Variants in HMCN1 observed in about 807,000 individuals in gnomAD.
HMCN1 encodes hemicentin 1.
Under a neutral mutation model 625.9 loss-of-function variants are expected in HMCN1, and 321 were observed. That is an observed-to-expected ratio of 0.51 (90% CI 0.47 to 0.56). The LOEUF is 0.56. Ranked by LOEUF, HMCN1 falls within the 20% of genes least tolerant of loss-of-function variation. The probability of loss-of-function intolerance (pLI) is 0.00; values close to 1 mark genes in which losing one functional copy is unlikely to be tolerated. For synonymous variants in HMCN1, 2,425 were observed against 2,417.6 expected (o/e 1.00, Z -0.09); for missense variants, 6,588 against 6,887.3 (o/e 0.96, Z 1.54).
chr1:186,137,699 T>G lies in HMCN1; in HGVS notation c.13753+31T>G, dbSNP rs745634913. 3 of 1,613,900 alleles carry G rather than the reference T, an allele frequency of 1.9e-6. No individual in the cohort carries two copies. In the East Asian group the frequency reaches 6.7e-5, roughly 36 times the overall value. On this transcript the variant is annotated intron_variant, in intron 88 of 106. Transcript: ENST00000271588. ...CCTCCTTATTTAACTGATAGGCATGTGTTTAATAGACCTTCATTTCTGTCT... is the reference window on the plus strand; with the variant it reads ...CCTCCTTATTTAACTGATAGGCATGGGTTTAATAGACCTTCATTTCTGTCT...
At chr1:185,930,017 A>G (rs901475237) in intron 10 of HMCN1, among the ~76,000 whole-genome samples, 4 of 152,188 alleles carry the variant, frequency 2.6e-5, no homozygotes, top group African/African-American at 9.7e-5. Context: ...TGATTCAGAC[A>G]TCTTGCATAA....
In HMCN1 at chr1:186,147,820, A is replaced by G. The variant is rs1650416512; in HGVS notation, c.14608+1897A>G. 2.0e-5 allele frequency among the ~76,000 whole-genome samples: 3 copies of G among 152,258 alleles called. No individual in the cohort carries two copies. In the South Asian group the frequency reaches 6.2e-4, roughly 31 times the overall value. ...TGCTAATGATTATCTGAGCCTTCAG[A>G]AAGTCAATCTTTTAGCTGGCAGAGG... is the stretch of plus-strand genomic sequence containing the variant. On this transcript the variant is annotated intron_variant, in intron 93 of 106. Transcript: ENST00000271588.
At chr1:185,947,126 C>A (rs1161683498) in intron 11 of HMCN1, among the ~76,000 whole-genome samples, 1 of 152,078 alleles carries the variant, frequency 6.6e-6, no homozygotes, top group Non-Finnish European at 1.5e-5. Flanking sequence ...TAGTTCTTTG[C>A]TTGGGTGTTT....
chr1:185,786,685 T>C (rs777814840), intron 1 of HMCN1, among the ~76,000 whole-genome samples: 3 of 152,226 alleles, frequency 2.0e-5, no homozygotes, highest in Non-Finnish European at 4.4e-5. Flanking sequence ...TAAAACTATT[T>C]GAAGAAGAAC....
At chr1:185,905,249 G>C (rs1326372956) in intron 4 of HMCN1, among the ~76,000 whole-genome samples, 1 of 151,422 alleles carries the variant, frequency 6.6e-6, no homozygotes, top group South Asian at 2.1e-4. Context: ...TCTCTCTCTT[G>C]TCCTTTTCTT....
intron 97 of HMCN1, among the ~76,000 whole-genome samples, chr1:186,163,310 T>C (rs1053449312): frequency 2.6e-5 from 4 of 152,162 alleles, no homozygotes; most frequent in Admixed American, 2.6e-4. Flanking sequence ...TGCCATCAGT[T>C]ACCCCTTTGT....
At chr1:185,893,082 G>T (rs1027554513) in intron 4 of HMCN1, among the ~76,000 whole-genome samples, 1 of 152,172 alleles carries the variant, frequency 6.6e-6, no homozygotes, top group Non-Finnish European at 1.5e-5. Context: ...TCCAGGTGCC[G>T]TCCGTTACCC....
chr1:186,104,390 T>G (rs1660516975), intron 69 of HMCN1, among the ~76,000 whole-genome samples: 1 of 152,212 alleles, frequency 6.6e-6, no homozygotes. Flanking sequence ...AAAAAAAGAC[T>G]TAGGATTGTT....
intron 18 of HMCN1, among the ~76,000 whole-genome samples, chr1:185,983,606 T>C (rs1280118535): frequency 1.3e-5 from 2 of 152,164 alleles, no homozygotes; most frequent in South Asian, 2.1e-4. Context: ...GGATGGATGA[T>C]ACAGATTTAG....
chr1:185,986,861 A>G (rs1472086412), intron 19 of HMCN1, among the ~76,000 whole-genome samples: 2 of 149,890 alleles, frequency 1.3e-5, no homozygotes, highest in Admixed American at 1.3e-4. Flanking sequence ...AATTAATTAA[A>G]TAAATTAAAT....
chr1:185,827,171 CAAAA>C (rs756416016), intron 1 of HMCN1, among the ~76,000 whole-genome samples: 1 of 43,184 alleles, frequency 2.3e-5, no homozygotes, highest in Non-Finnish European at 5.3e-5. Flanking sequence ...GACTCCATCT[CAAAA>C]AAAAAAAAAA....
intron 11 of HMCN1, among the ~76,000 whole-genome samples, chr1:185,939,722 G>A (rs983557859): frequency 6.6e-6 from 1 of 151,888 alleles, no homozygotes; most frequent in African/African-American, 2.4e-5. Flanking sequence ...TCTTCTCTTT[G>A]TTTTCTAGAT....
chr1:185,972,907 T>C (rs1232675188), intron 15 of HMCN1, among the ~76,000 whole-genome samples: 1 of 152,154 alleles, frequency 6.6e-6, no homozygotes, highest in Admixed American at 6.6e-5. Flanking sequence ...CATCACACTA[T>C]TGTTACATAT....
chr1:185,760,627 A>G (rs1488598165), intron 1 of HMCN1, among the ~76,000 whole-genome samples: 1 of 152,168 alleles, frequency 6.6e-6, no homozygotes, highest in Admixed American at 6.5e-5. Context: ...CCTTTCCCTT[A>G]TAGGGCATAC....
chr1:186,138,911 A>G (rs902642835), intron 89 of HMCN1, among the ~76,000 whole-genome samples: 3 of 152,184 alleles, frequency 2.0e-5, no homozygotes, highest in African/African-American at 4.8e-5. Context: ...CATTCATCCA[A>G]CAAATATTTA....
intron 1 of HMCN1, among the ~76,000 whole-genome samples, chr1:185,765,931 C>T (rs1655842733): frequency 6.6e-6 from 1 of 152,116 alleles, no homozygotes; most frequent in African/African-American, 2.4e-5. Flanking sequence ...AATATGTGGT[C>T]CATTGTAAAA....
At position 185,763,569 on chromosome 1, in the gene HMCN1, G is replaced by T. The variant is rs555590889; in HGVS notation, c.268+28522G>T. Among the ~76,000 whole-genome samples the T allele has an allele frequency of 1.8e-4, 28 of 152,160 alleles. No individual in the cohort carries two copies. The South Asian group carries it at 5.8e-3, about 32-fold the overall frequency. ...TCACAGTACCTTTTCCTAAATGCTTGGTTAAAAATAAAGAGCTACTTCACA... is the reference window on the plus strand; with the variant it reads ...TCACAGTACCTTTTCCTAAATGCTTTGTTAAAAATAAAGAGCTACTTCACA... On this transcript the variant is annotated intron_variant, in intron 1 of 106. Coordinates refer to ENST00000271588, the MANE Select transcript of HMCN1 (RefSeq NM_031935.3).
chr1:185,970,379 C>G lies in HMCN1; in HGVS notation c.2257C>G (p.Leu753Val), dbSNP rs572872899. 6.8e-6 allele frequency: 11 copies of G among 1,613,848 alleles called. No homozygotes were observed. The East Asian group carries it at 1.1e-4, about 16-fold the overall frequency. Residue 753 changes from leucine to valine, a missense_variant, in exon 15 of 107, where the codon CTC becomes GTC. Physicochemically the swap from Leu to Val is conservative, Grantham distance 32. Coordinates refer to ENST00000271588, the MANE Select transcript of HMCN1 (RefSeq NM_031935.3). ...RPSTFLIIDP[L>V]LGLLKIQETQ... ...CTCAACATTCCTCATTATTGACCCTCTCTTGGGACTTTTGAAGATTCAAGA... is the reference window on the plus strand; with the variant it reads ...CTCAACATTCCTCATTATTGACCCTGTCTTGGGACTTTTGAAGATTCAAGA...
chr1:186,129,482 TATTACCTAA>T (rs1292625595), intron 83 of HMCN1, among the ~76,000 whole-genome samples: 1 of 152,022 alleles, frequency 6.6e-6, no homozygotes, highest in African/African-American at 2.4e-5. Context: ...ATGTTGTTGT[TATTACCTAA>T]GTAGCATACG....
Sources: gnomAD v4.1 joint callset for allele counts (sites outside exome capture counted in the v4.1 genomes callset) on GRCh38, gnomAD v4.1.1 for gene constraint, MANE v1.5 for transcripts, NCBI Gene and HGNC (gene_info 2026-07-23, HGNC 2026-07-21) for gene names.